The following ZNF804A variants were observed in gnomAD, a reference collection of about 807,000 sequenced individuals.
ZNF804A encodes the protein zinc finger protein 804A.
In ZNF804A, 2 loss-of-function variants were observed where a neutral mutation model predicts 16.5. The ratio of observed to expected loss-of-function variants is 0.12; its 90% CI spans 0.05 to 0.38. The LOEUF is 0.38. Among genes scored for constraint, ZNF804A ranks in the 10% least tolerant of loss-of-function variants. The pLI, the probability that ZNF804A is intolerant of heterozygous loss-of-function variation, is 0.99. For synonymous variants in ZNF804A, 534 were observed against 489.6 expected (o/e 1.09, Z -1.20); for missense variants, 1,473 against 1,390.7 (o/e 1.06, Z -0.94).
Position 184,851,959 on chromosome 2 carries a change from A to G in ZNF804A, c.112-14410A>G, listed in dbSNP as rs572187203. On this transcript the variant is annotated intron_variant, in intron 1 of 3. Coordinates refer to ENST00000302277, the MANE Select transcript of ZNF804A (RefSeq NM_194250.2). Reference sequence around the variant, plus strand: ...AGTGATACTGAGCATTTTGTTTCATATATCTTTGGGGCATTCGTATGTCTT... The same window carrying G: ...AGTGATACTGAGCATTTTGTTTCATGTATCTTTGGGGCATTCGTATGTCTT... Among the ~76,000 whole-genome samples, 6 of 151,826 alleles carry G rather than the reference A, an allele frequency of 4.0e-5. No individual in the cohort carries two copies. In the East Asian group the frequency reaches 9.7e-4, roughly 24 times the overall value.
At chr2:184,739,294 C>T (rs534447545) in intron 1 of ZNF804A, among the ~76,000 whole-genome samples, 1 of 152,276 alleles carries the variant, frequency 6.6e-6, no homozygotes, top group East Asian at 1.9e-4. Flanking sequence ...ATTGTAGTTA[C>T]ATGCTGATTT....
At chr2:184,685,484 C>A (rs996520126) in intron 1 of ZNF804A, among the ~76,000 whole-genome samples, 7 of 152,022 alleles carry the variant, frequency 4.6e-5, no homozygotes, top group African/African-American at 1.5e-4. Flanking sequence ...GTCCTGAGTT[C>A]TTGGCCCACG....
At chr2:184,682,658 G>A (rs975737842) in intron 1 of ZNF804A, among the ~76,000 whole-genome samples, 21 of 152,270 alleles carry the variant, frequency 1.4e-4, no homozygotes, top group Non-Finnish European at 2.9e-4. Flanking sequence ...ATTTAACTCT[G>A]TCATTCGATA....
intron 1 of ZNF804A, among the ~76,000 whole-genome samples, chr2:184,811,525 C>A (rs912701180): frequency 6.6e-6 from 1 of 152,078 alleles, no homozygotes; most frequent in South Asian, 2.1e-4. Context: ...TAAAAATACA[C>A]GCATTATAGT....
chr2:184,915,392 A>G (rs1685428166), intron 2 of ZNF804A, among the ~76,000 whole-genome samples: 1 of 152,108 alleles, frequency 6.6e-6, no homozygotes, highest in Admixed American at 6.6e-5. Flanking sequence ...CCATTCTTCA[A>G]TCACTGGGCA....
intron 1 of ZNF804A, among the ~76,000 whole-genome samples, chr2:184,736,195 A>G (rs762612001): frequency 6.6e-6 from 1 of 152,184 alleles, no homozygotes; most frequent in Non-Finnish European, 1.5e-5. Context: ...AAAACACAGC[A>G]TAGGGCAACA....
chr2:184,787,288 A>G (rs1435385272), intron 1 of ZNF804A, among the ~76,000 whole-genome samples: 1 of 151,892 alleles, frequency 6.6e-6, no homozygotes, highest in African/African-American at 2.4e-5. Context: ...TCATGACTTT[A>G]CTATTGTAAA....
chr2:184,740,726 C>A (rs1025984578), intron 1 of ZNF804A, among the ~76,000 whole-genome samples: 1 of 152,018 alleles, frequency 6.6e-6, no homozygotes, highest in South Asian at 2.1e-4. Context: ...TTATTTCTAA[C>A]TTTTTGAATT....
chr2:184,655,729 A>C (rs1692065195), intron 1 of ZNF804A, among the ~76,000 whole-genome samples: 1 of 151,982 alleles, frequency 6.6e-6, no homozygotes, highest in South Asian at 2.1e-4. Flanking sequence ...TTAAGCAGTC[A>C]GTATTATTGA....
chr2:184,827,749 A>G (rs76896966), intron 1 of ZNF804A, among the ~76,000 whole-genome samples: 143 of 151,618 alleles, frequency 9.4e-4, no homozygotes, highest in African/African-American at 3.3e-3. Context: ...TTAGTAATTT[A>G]TTCTTTTTTA....
chr2:184,754,637 A>T (rs1407632877), intron 1 of ZNF804A, among the ~76,000 whole-genome samples: 1 of 151,872 alleles, frequency 6.6e-6, no homozygotes, highest in Non-Finnish European at 1.5e-5. Flanking sequence ...AAATATTTTC[A>T]GCTTTGTTTT....
In ZNF804A at chr2:184,935,826, G is replaced by C; in HGVS notation, c.430G>C (p.Val144Leu). The change falls in exon 4 of 4, where the codon GTG becomes CTG. Residue 144 changes from valine (V) to leucine (L), a missense_variant. Coordinates refer to ENST00000302277, the MANE Select transcript of ZNF804A (RefSeq NM_194250.2). ...GPMFKSTTVT[V>L]RENCNEISQR... The stretch of plus-strand genomic sequence containing the variant: ...CATGTTCAAATCAACAACTGTTACT[G>C]TGAGAGAAAACTGTAATGAAATTTC... 6.2e-7 allele frequency: 1 copy of C among 1,612,914 alleles called. No individual in the cohort carries two copies. Among genetic ancestry groups the C allele is most frequent in the Non-Finnish European group, 8.5e-7 (1 of 1,179,428 alleles).
At chr2:184,600,710 G>T (rs1691031142) in intron 1 of ZNF804A, among the ~76,000 whole-genome samples, 1 of 152,068 alleles carries the variant, frequency 6.6e-6, no homozygotes, top group Admixed American at 6.5e-5. Context: ...GAAAAAAAAA[G>T]TTATTTTCCA....
intron 1 of ZNF804A, among the ~76,000 whole-genome samples, chr2:184,825,545 G>A (rs144457494): frequency 6.6e-6 from 1 of 152,144 alleles, no homozygotes; most frequent in African/African-American, 2.4e-5. Flanking sequence ...ATTGATACCA[G>A]AGCTCTAGCA....
At chr2:184,820,720 T>C (rs981934298) in intron 1 of ZNF804A, among the ~76,000 whole-genome samples, 32 of 151,874 alleles carry the variant, frequency 2.1e-4, no homozygotes, top group Non-Finnish European at 7.4e-5. Flanking sequence ...TCAGCAAAGT[T>C]TCAGGATACA....
chr2:184,887,993 G>A (rs1440656738), intron 2 of ZNF804A, among the ~76,000 whole-genome samples: 1 of 152,110 alleles, frequency 6.6e-6, no homozygotes, highest in Non-Finnish European at 1.5e-5. Flanking sequence ...TGGGAGTACG[G>A]TAACGGTTGA....
chr2:184,752,366 A>T (rs1693889515), intron 1 of ZNF804A, among the ~76,000 whole-genome samples: 1 of 151,666 alleles, frequency 6.6e-6, no homozygotes, highest in African/African-American at 2.4e-5. Flanking sequence ...TCCTAAGAGA[A>T]CTAACTCAGA....
intron 1 of ZNF804A, among the ~76,000 whole-genome samples, chr2:184,854,042 G>T (rs1370556811): frequency 6.6e-6 from 1 of 151,594 alleles, no homozygotes; most frequent in Non-Finnish European, 1.5e-5. Flanking sequence ...TCAGGTCCTG[G>T]GCTTTTCTTT....
chr2:184,936,976 T>G lies in ZNF804A; in HGVS notation c.1580T>G (p.Leu527Trp). Reference sequence around the variant, plus strand: ...AAATGCAGCCAAGTCACTCCTCTTTTGGCTGATGATATTCTCTCCAGTAGT... The same window carrying G: ...AAATGCAGCCAAGTCACTCCTCTTTGGGCTGATGATATTCTCTCCAGTAGT... ...KNKCSQVTPL[L>W]ADDILSSSCD... Residue 527 changes from leucine to tryptophan, a missense_variant, in exon 4 of 4, where the codon TTG becomes TGG. Coordinates refer to ENST00000302277, the MANE Select transcript of ZNF804A (RefSeq NM_194250.2). The G allele has an allele frequency of 6.2e-7, 1 of 1,613,968 alleles. No individual in the cohort carries two copies. Among genetic ancestry groups the G allele is most frequent in the Non-Finnish European group, 8.5e-7 (1 of 1,179,946 alleles).
Sources: gnomAD v4.1 joint callset for allele counts (sites outside exome capture counted in the v4.1 genomes callset) on GRCh38, gnomAD v4.1.1 for gene constraint, MANE v1.5 for transcripts, NCBI Gene and HGNC (gene_info 2026-07-23, HGNC 2026-07-21) for gene names.